Variants in RGS3 observed in about 807,000 individuals in gnomAD.
The protein encoded by RGS3 is regulator of G-protein signalling 3.
RGS3 carries 80 observed loss-of-function variants against 132.6 expected under a neutral mutation model. The ratio of observed to expected loss-of-function variants is 0.60; its 90% CI spans 0.50 to 0.73. RGS3 has a LOEUF of 0.73. RGS3 is among the 30% of genes least tolerant of loss of function. The pLI, the probability that RGS3 is intolerant of heterozygous loss-of-function variation, is 0.00. For missense variants in RGS3, 1,382 were observed against 1,530.8 expected (o/e 0.90, Z 1.62); for synonymous variants, 598 against 620.6 (o/e 0.96, Z 0.54).
At position 113,507,274 on chromosome 9, in the gene RGS3, C is replaced by T. The variant is rs771041350; in HGVS notation, c.1086-13C>T. The T allele has an allele frequency of 5.7e-6, 9 of 1,591,144 alleles. No homozygotes were observed. In the South Asian group the frequency reaches 9.2e-5, roughly 16 times the overall value. Reference sequence around the variant, plus strand: ...CCAGGCTCAACCTGTCTGTGTGATCCCCCACCTTCCAGGAGCTGCCCCAGT... The same window carrying T: ...CCAGGCTCAACCTGTCTGTGTGATCTCCCACCTTCCAGGAGCTGCCCCAGT... On this transcript the variant is annotated splice_polypyrimidine_tract_variant and intron_variant, in intron 12 of 24. Coordinates refer to ENST00000350696, the Ensembl canonical transcript of RGS3. This position sits in a 1 kb window ranked among gnomAD's most constrained non-coding sequence, Gnocchi z 5.0.
rs1345748679 is a variant in RGS3 at position 113,537,628 on chromosome 9, C to T, written c.2037+710C>T. Reference sequence around the variant, plus strand: ...TCCCTTCTTTTGCTAAAAGTGCTGGCCATTTGGGAATTGGGTCTGGTTGGC... The same window carrying T: ...TCCCTTCTTTTGCTAAAAGTGCTGGTCATTTGGGAATTGGGTCTGGTTGGC... On this transcript the variant is annotated intron_variant, in intron 19 of 24. Transcript: ENST00000350696. This position sits in a 1 kb window ranked among gnomAD's most constrained non-coding sequence, Gnocchi z 4.3. Among the ~76,000 whole-genome samples the T allele has an allele frequency of 6.6e-6, 1 of 152,160 alleles. No individual in the cohort carries two copies. Among genetic ancestry groups the T allele is most frequent in the Non-Finnish European group, 1.5e-5 (1 of 68,026 alleles).
chr9:113,595,746 C>T lies in RGS3; in HGVS notation c.3392C>T (p.Ala1131Val), dbSNP rs144334750. The T allele has an allele frequency of 2.2e-5, 35 of 1,613,902 alleles. No individual in the cohort carries two copies. The highest frequency in any genetic ancestry group is 1.9e-4 in the African/African-American group (14 of 74,936). The stretch of plus-strand genomic sequence containing the variant: ...AAGAAGATCTTTGCTGAATACATCG[C>T]GATCCAGGCATGCAAGGAGGTAGGA... The change falls in exon 24 of 25, where the codon GCG (alanine) becomes GTG (valine). Residue 1131 changes from alanine (A) to valine (V), a missense_variant. Coordinates refer to ENST00000350696, the Ensembl canonical transcript of RGS3.
rs529033866 is a variant in RGS3 at position 113,445,275 on chromosome 9, G to A, written c.-13+348G>A. On this transcript the variant is annotated intron_variant, in intron 1 of 25. Coordinates refer to the RGS3 transcript ENST00000374140. ...TGCAATGGCGTGATCTCGGCTCACC[G>A]AAACCTCCGCCTCCCGGGTTCAAGC... 3.3e-5 allele frequency among the ~76,000 whole-genome samples: 5 copies of A among 151,388 alleles called. No individual in the cohort carries two copies. In the East Asian group the frequency reaches 5.8e-4, roughly 18 times the overall value.
intron 9 of RGS3, among the ~76,000 whole-genome samples, chr9:113,497,728 G>T (rs557426945): frequency 4.3e-4 from 66 of 152,294 alleles, no homozygotes; most frequent in African/African-American, 1.5e-3. Context: ...CCCCCAGGCT[G>T]CCTTGCTCAT....
intron 18 of RGS3, chr9:113,536,528 G>A: frequency 8.1e-7 from 1 of 1,233,792 alleles, no homozygotes; most frequent in African/African-American, 1.5e-5. Flanking sequence ...GCTCTCCACA[G>A]GCCTCTGCTG....
At chr9:113,449,893 C>T (rs893576008) in intron 1 of RGS3, among the ~76,000 whole-genome samples, 2 of 151,556 alleles carry the variant, frequency 1.3e-5, no homozygotes, top group African/African-American at 4.9e-5. Context: ...CAGGTGCCCG[C>T]CCCCACTCTT....
chr9:113,458,674 A>T (rs1829409709), upstream of RGS3, among the ~76,000 whole-genome samples: 1 of 152,018 alleles, frequency 6.6e-6, no homozygotes, highest in Non-Finnish European at 1.5e-5. Flanking sequence ...GCTTTTCTTT[A>T]AAAAAAAGTG....
At chr9:113,559,928 T>C (rs1021583063) in intron 19 of RGS3, among the ~76,000 whole-genome samples, 6 of 152,244 alleles carry the variant, frequency 3.9e-5, no homozygotes, top group Non-Finnish European at 8.8e-5. Context: ...GCAATAACAA[T>C]GATGGCTCTT....
chr9:113,526,009 C>T (rs1003375613), intron 17 of RGS3, among the ~76,000 whole-genome samples: 1 of 152,294 alleles, frequency 6.6e-6, no homozygotes, highest in East Asian at 1.9e-4. Flanking sequence ...TGGGAACAGG[C>T]GGAGAGCTGG....
rs964733262 is a variant in RGS3 at position 113,579,113 on chromosome 9, T to G, written c.2038-4337T>G. On this transcript the variant is annotated intron_variant, in intron 19 of 24. Coordinates refer to ENST00000350696, the Ensembl canonical transcript of RGS3. The surrounding 1 kb of genome is among the most constrained non-coding windows in gnomAD (Gnocchi z 4.3). ...GCAGGAAGTGGTTTTCGAGGGCAGATGCAGAGCCCGGCATCCGTGGTGGCT... is the reference window on the plus strand; with the variant it reads ...GCAGGAAGTGGTTTTCGAGGGCAGAGGCAGAGCCCGGCATCCGTGGTGGCT... 2.6e-5 allele frequency among the ~76,000 whole-genome samples: 4 copies of G among 152,180 alleles called. No individual in the cohort carries two copies. Among genetic ancestry groups the G allele is most frequent in the African/African-American group, 9.7e-5 (4 of 41,432 alleles).
intron 19 of RGS3, among the ~76,000 whole-genome samples, chr9:113,577,993 C>T (rs568785033): frequency 2.0e-4 from 30 of 152,344 alleles, no homozygotes; most frequent in African/African-American, 6.5e-4. Flanking sequence ...AGAACTATTC[C>T]ATGAGGATTT....
chr9:113,590,286 A>G (rs1370184670), intron 20 of RGS3, among the ~76,000 whole-genome samples: 4 of 152,128 alleles, frequency 2.6e-5, no homozygotes, highest in Non-Finnish European at 5.9e-5. Flanking sequence ...GGTCTGGCCT[A>G]TAGTATGAGC....
At chr9:113,572,251 G>T (rs1447619968) in intron 19 of RGS3, among the ~76,000 whole-genome samples, 1 of 152,080 alleles carries the variant, frequency 6.6e-6, no homozygotes, top group African/African-American at 2.4e-5. Context: ...GACCAATATA[G>T]GCAAGTTGGT....
chr9:113,474,325 A>G (rs1829925505), intron 3 of RGS3, among the ~76,000 whole-genome samples: 2 of 152,144 alleles, frequency 1.3e-5, no homozygotes, highest in African/African-American at 4.8e-5. Context: ...AATGGAACTC[A>G]GGGTTCTCCT....
chr9:113,529,012 A>G (rs1478817741), intron 17 of RGS3, among the ~76,000 whole-genome samples: 2 of 152,166 alleles, frequency 1.3e-5, no homozygotes, highest in East Asian at 1.9e-4. Flanking sequence ...GCTGACCCGC[A>G]GGCAAATGCC....
chr9:113,460,522 A>G (rs1199241508), intron 1 of RGS3, among the ~76,000 whole-genome samples: 1 of 147,360 alleles, frequency 6.8e-6, no homozygotes, highest in Non-Finnish European at 1.5e-5. Flanking sequence ...CTCCGTCTCC[A>G]AAAAAAAAAA....
chr9:113,515,245 C>T lies in RGS3; in HGVS notation c.1674+591C>T, dbSNP rs117791626. 9.5e-3 allele frequency among the ~76,000 whole-genome samples: 1,447 copies of T among 152,194 alleles called. 15 individuals are homozygous for T. The highest frequency in any genetic ancestry group is 0.051 in the Middle Eastern group (15 of 294). Reference sequence around the variant, plus strand: ...GAAGGATCGTTTGAGGCCAGGAGTTCGAGGTTACAATGAGCTGTGATCATA... The same window carrying T: ...GAAGGATCGTTTGAGGCCAGGAGTTTGAGGTTACAATGAGCTGTGATCATA... On this transcript the variant is annotated intron_variant, in intron 15 of 24. Transcript: ENST00000350696.
rs528184557 is a variant in RGS3, at chr9:113,461,441, C to T, written c.81-266C>T. On this transcript the variant is annotated intron_variant, in intron 1 of 24. Coordinates refer to ENST00000350696, the Ensembl canonical transcript of RGS3. ...GCTCCCACTCACCTCTCTCCTCCAT[C>T]TCTTGAGGAAAGGGTGACCGACCTG... Among the ~76,000 whole-genome samples, 13 of 152,286 alleles carry T rather than the reference C, an allele frequency of 8.5e-5. No homozygotes were observed. In the South Asian group the frequency reaches 2.5e-3, roughly 29 times the overall value.
intron 3 of RGS3, among the ~76,000 whole-genome samples, chr9:113,471,663 C>T (rs1353448892): frequency 6.6e-6 from 1 of 151,900 alleles, no homozygotes; most frequent in Non-Finnish European, 1.5e-5. Context: ...CCCGCTCTCT[C>T]TCTCCGTCCC....
Sources: allele counts gnomAD v4.1 joint callset (sites outside exome capture counted in the v4.1 genomes callset), GRCh38; gene constraint gnomAD v4.1.1; non-coding constraint Gnocchi (gnomAD v3.1); transcripts MANE v1.5; gene names NCBI Gene and HGNC (gene_info 2026-07-23, HGNC 2026-07-21).